Variants in GNPTAB observed in about 807,000 individuals in gnomAD.
GNPTAB encodes the protein N-acetylglucosamine-1-phosphotransferase subunits alpha/beta.
GNPTAB carries 92 observed loss-of-function variants against 136.6 expected under a neutral mutation model. That is an observed-to-expected ratio of 0.67 (90% confidence interval 0.57 to 0.80). The LOEUF is 0.80. GNPTAB is among the 30% of genes least tolerant of loss of function. The pLI, the probability that GNPTAB is intolerant of heterozygous loss-of-function variation, is 0.00. For missense variants in GNPTAB, 1,343 were observed against 1,501.8 expected, an observed-to-expected ratio of 0.89 and a Z score of 1.75; for synonymous variants, 512 against 535.1, an observed-to-expected ratio of 0.96 and a Z score of 0.60.
At position 101,761,607 on chromosome 12, in the gene GNPTAB, G is replaced by A. The variant is rs1232293649; in HGVS notation, c.2872C>T (p.Pro958Ser). 7 of 1,614,006 alleles carry A rather than the reference G, an allele frequency of 4.3e-6. No homozygotes were observed. The Admixed American group carries it at 5.0e-5, about 12-fold the overall frequency. ...ATAACAATCCGGTCAATCATGTGAG[G>A]CATGTGAGCAGGGACTTTCCGCGAT... ...FTSRKVPAHM[P>S]HMIDRIVMQE... Residue 958 changes from proline (P) to serine (S), a missense_variant, in exon 14 of 21, where the codon CCT (proline) becomes TCT (serine). Pro to Ser is a moderately conservative substitution (Grantham distance 74). Transcript: ENST00000299314.
intron 10 of GNPTAB, 72 bp from the exon 11 acceptor site, chr12:101,768,232 C>G: frequency 1.3e-6 from 2 of 1,529,974 alleles, no homozygotes; most frequent in Non-Finnish European, 1.8e-6. Context: ...GTTAAGATTC[C>G]CTTTATAAAA....
rs746175107 is a variant in GNPTAB, at chr12:101,780,556, C to A, written c.636+1G>T. 6.3e-7 allele frequency: 1 copy of A among 1,598,976 alleles called. No homozygotes were observed. The highest frequency in any genetic ancestry group is 8.6e-7 in the Non-Finnish European group (1 of 1,167,000). On this transcript the variant is annotated splice_donor_variant, in intron 6 of 20. Transcript: ENST00000299314. LOFTEE classifies it high-confidence loss of function. Reference sequence around the variant, plus strand: ...ATGCAATTAAATTTAAAATAACATACCAAGTAGCCCCTCCATACTGTCTGT... The same window carrying A: ...ATGCAATTAAATTTAAAATAACATAACAAGTAGCCCCTCCATACTGTCTGT...
chr12:101,829,066 T>G (rs1439498647), intron 1 of GNPTAB, among the ~76,000 whole-genome samples: 3 of 152,266 alleles, frequency 2.0e-5, no homozygotes, highest in Non-Finnish European at 2.9e-5. Flanking sequence ...TGGCACTGTC[T>G]GCCTCTCATT....
At chr12:101,768,436 T>C (rs1261141345) in intron 10 of GNPTAB, among the ~76,000 whole-genome samples, 11 of 152,346 alleles carry the variant, frequency 7.2e-5, no homozygotes, top group East Asian at 5.8e-4. Flanking sequence ...TAGTCTCTCA[T>C]AACATGCTTT....
intron 1 of GNPTAB, among the ~76,000 whole-genome samples, chr12:101,823,840 T>G (rs572945186): frequency 1.3e-5 from 2 of 152,246 alleles, no homozygotes; most frequent in African/African-American, 4.8e-5. Flanking sequence ...AAAACAAGTT[T>G]CCCAGATAGA....
chr12:101,811,522 G>A (rs568269139), intron 1 of GNPTAB, among the ~76,000 whole-genome samples: 5 of 151,994 alleles, frequency 3.3e-5, no homozygotes, highest in African/African-American at 7.2e-5. Context: ...TACAGGAAGC[G>A]TTTCTGGGAG....
At chr12:101,780,734 T>C (rs982558751) in intron 5 of GNPTAB, 113 bp from the exon 6 acceptor site, 24 of 783,192 alleles carry the variant, frequency 3.1e-5, no homozygotes, top group Admixed American at 8.8e-5. Flanking sequence ...TAATATATGG[T>C]CCAAAAAAAG....
At chr12:101,826,060 A>G (rs1175461302) in intron 1 of GNPTAB, among the ~76,000 whole-genome samples, 1 of 152,250 alleles carries the variant, frequency 6.6e-6, no homozygotes, top group Non-Finnish European at 1.5e-5. Flanking sequence ...TACAAAAATG[A>G]TAACTAATTT....
At chr12:101,768,280 G>C in intron 10 of GNPTAB, 120 bp from the exon 11 acceptor site, 1 of 1,119,428 alleles carries the variant, frequency 8.9e-7, no homozygotes, top group South Asian at 1.4e-5. Flanking sequence ...ATTTTCAAAG[G>C]GCTCAGCGTT....
intron 4 of GNPTAB, among the ~76,000 whole-genome samples, chr12:101,787,304 G>A (rs1388899676): frequency 6.6e-6 from 1 of 151,940 alleles, no homozygotes; most frequent in South Asian, 2.1e-4. Context: ...TATTAAAACT[G>A]AAAGATATGA....
chr12:101,796,582 CAGAA>C (rs1869304157), intron 2 of GNPTAB, 91 bp downstream of exon 2: 1 of 834,482 alleles, frequency 1.2e-6, no homozygotes, highest in African/African-American at 1.7e-5. Context: ...ATCTATAACT[CAGAA>C]AGACCCCTTA....
chr12:101,775,602 A>G (rs1354687022), intron 7 of GNPTAB, among the ~76,000 whole-genome samples: 1 of 151,910 alleles, frequency 6.6e-6, no homozygotes, highest in Non-Finnish European at 1.5e-5. Context: ...TGACCTCATG[A>G]TCTGCCCGCC....
intron 1 of GNPTAB, chr12:101,810,766 A>T (rs1870188721): frequency 6.6e-6 from 1 of 151,770 alleles, no homozygotes; most frequent in Non-Finnish European, 1.5e-5. Context: ...GGGGAATGTG[A>T]TAAAGAAGGA....
At chr12:101,783,183 T>A (rs1275964679) in intron 5 of GNPTAB, among the ~76,000 whole-genome samples, 5 of 151,892 alleles carry the variant, frequency 3.3e-5, no homozygotes, top group Admixed American at 2.0e-4. Context: ...CCCTGCTGTA[T>A]CTTCAGTACA....
chr12:101,830,693 G>A lies in GNPTAB; in HGVS notation c.-18C>T, dbSNP rs770647683. 41 of 1,466,648 alleles carry A rather than the reference G, an allele frequency of 2.8e-5. No individual in the cohort carries two copies. Among genetic ancestry groups the A allele is most frequent in the Non-Finnish European group, 3.5e-5 (37 of 1,058,792 alleles). 90.9% of individuals were successfully genotyped at this position (1,466,648 alleles called of 1,614,324 possible). On this transcript the variant is annotated 5_prime_UTR_variant, in exon 1 of 21. Transcript: ENST00000299314. ...AACAGCATCACCCCTTCACCGCCAC[G>A]CCACGCCCCGAGGAGCCTGAGCCGC...
chr12:101,751,638 C>CTTCA (rs1184550867), intron 19 of GNPTAB, among the ~76,000 whole-genome samples: 1 of 152,236 alleles, frequency 6.6e-6, no homozygotes, highest in Non-Finnish European at 1.5e-5. Flanking sequence ...TTGCCAGCTA[C>CTTCA]TTCAGCTGGA....
intron 5 of GNPTAB, among the ~76,000 whole-genome samples, chr12:101,784,326 A>T (rs1413393556): frequency 1.3e-5 from 2 of 152,210 alleles, no homozygotes; most frequent in Non-Finnish European, 2.9e-5. Flanking sequence ...AGGCAGTGGG[A>T]CACAAGGCCT....
In GNPTAB at chr12:101,811,977, C is replaced by T. The variant is rs369498387; in HGVS notation, c.118-15215G>A. ...TTAAACAACCAGATCTCAGGCAGGG[C>T]GTGGTGGCTCACACCTGTAATCCCA... On this transcript the variant is annotated intron_variant, in intron 1 of 20. Transcript: ENST00000299314. 2.3e-4 allele frequency among the ~76,000 whole-genome samples: 34 copies of T among 149,238 alleles called. No homozygotes were observed. The East Asian group carries it at 4.6e-3, about 20-fold the overall frequency.
rs545894539 is a variant in GNPTAB at position 101,758,112 on chromosome 12, T to A, written c.3250-455A>T. Among the ~76,000 whole-genome samples the A allele has an allele frequency of 4.9e-4, 74 of 151,592 alleles. 2 individuals are homozygous for A. In the South Asian group the frequency reaches 0.015, roughly 30 times the overall value. On this transcript the variant is annotated intron_variant, in intron 16 of 20. Transcript: ENST00000299314. ...GGAGTGCAGTGGCGCGATCTCAGCT[T>A]ACTGCAACTTCCACCTCTCGGGTTC...
Sources: allele counts gnomAD v4.1 joint callset (sites outside exome capture counted in the v4.1 genomes callset), GRCh38; gene constraint gnomAD v4.1.1; transcripts MANE v1.5; gene names NCBI Gene and HGNC (gene_info 2026-07-23, HGNC 2026-07-21).